The following MARK1 variants were observed in gnomAD, a reference collection of about 807,000 sequenced individuals.
MARK1 encodes serine/threonine-protein kinase MARK1.
MARK1 carries 40 observed loss-of-function variants against 96.3 expected under a neutral mutation model. The observed-to-expected ratio is 0.42, with a 90% CI of 0.32 to 0.54. The LOEUF is 0.54. MARK1 is among the 20% of genes least tolerant of loss of function. The pLI, the probability that MARK1 is intolerant of heterozygous loss-of-function variation, is 0.16. For synonymous variants in MARK1, 317 were observed against 341.2 expected (o/e 0.93, Z 0.78); for missense variants, 719 against 984.6 (o/e 0.73, Z 3.61).
intron 6 of MARK1, 44 bp from the exon 7 acceptor site, chr1:220,615,895 G>GT (rs762552692): frequency 2.1e-5 from 23 of 1,087,584 alleles, no homozygotes; most frequent in Middle Eastern, 2.0e-4. Context: ...GGAAAATTGC[G>GT]TTTTTTTAAT....
intron 1 of MARK1, among the ~76,000 whole-genome samples, chr1:220,568,459 GA>G (rs1161030429): frequency 6.6e-6 from 1 of 152,120 alleles, no homozygotes; most frequent in Non-Finnish European, 1.5e-5. Context: ...AGGTGAGTGA[GA>G]AGGGGCATAG....
chr1:220,585,984 T>TACACACACACACACACACACAC, intron 3 of MARK1, among the ~76,000 whole-genome samples: 1 of 52,894 alleles, frequency 1.9e-5, no homozygotes, highest in East Asian at 1.2e-3. Context: ...TACATACGTA[T>TACACACACACACACACACACAC]ACACACACAC....
intron 1 of MARK1, among the ~76,000 whole-genome samples, chr1:220,578,408 C>A (rs189902591): frequency 6.6e-6 from 1 of 152,220 alleles, no homozygotes; most frequent in East Asian, 1.9e-4. Context: ...TGTAGGTTAG[C>A]GTGAGACCAT....
intron 1 of MARK1, among the ~76,000 whole-genome samples, chr1:220,533,009 T>TA (rs904168880): frequency 1.9e-4 from 11 of 57,082 alleles, no homozygotes; most frequent in Non-Finnish European, 4.3e-4. Context: ...GAACCCTTTT[T>TA]TTTAAAAAAA....
intron 17 of MARK1, among the ~76,000 whole-genome samples, chr1:220,661,505 A>G (rs1669481559): frequency 6.6e-6 from 1 of 152,232 alleles, no homozygotes; most frequent in Non-Finnish European, 1.5e-5. Flanking sequence ...GAACAGAGAA[A>G]TATGGAACTG....
chr1:220,655,246 TC>T (rs1224979090), intron 16 of MARK1, among the ~76,000 whole-genome samples: 3 of 152,136 alleles, frequency 2.0e-5, no homozygotes, highest in African/African-American at 7.2e-5. Context: ...CACATTTTTT[TC>T]TCTGGTTTTC....
chr1:220,657,358 T>C (rs942485683), intron 16 of MARK1, among the ~76,000 whole-genome samples: 7 of 152,230 alleles, frequency 4.6e-5, no homozygotes, highest in Admixed American at 3.3e-4. Context: ...TGGTGTTTAT[T>C]TGCTAACTAC....
intron 13 of MARK1, among the ~76,000 whole-genome samples, chr1:220,642,061 C>G (rs1431546932): frequency 6.6e-6 from 1 of 152,170 alleles, no homozygotes; most frequent in East Asian, 1.9e-4. Context: ...TGGTGGCTCT[C>G]GAAACTCCAG....
intron 13 of MARK1, among the ~76,000 whole-genome samples, chr1:220,640,596 A>G (rs1193222444): frequency 1.3e-5 from 2 of 152,226 alleles, no homozygotes; most frequent in Non-Finnish European, 2.9e-5. Context: ...TTGTGTTGCT[A>G]TAACAGAATA....
At chr1:220,640,201 A>G (rs1168036945) in intron 13 of MARK1, among the ~76,000 whole-genome samples, 1 of 152,250 alleles carries the variant, frequency 6.6e-6, no homozygotes, top group African/African-American at 2.4e-5. Flanking sequence ...CATTAAATCC[A>G]TTCAAATGGC....
rs749502815 is a variant in MARK1 at position 220,618,608 on chromosome 1, A to G, written c.790-28A>G. ...AGTATGATTATGTCAAAAACCAGTT[A>G]TAAGTGCTTTCTTTCACTTTTATTA... On this transcript the variant is annotated intron_variant, in intron 8 of 17. Coordinates refer to ENST00000366917, the MANE Select transcript of MARK1 (RefSeq NM_018650.5). The surrounding 1 kb of genome is among the most constrained non-coding windows in gnomAD (Gnocchi z 4.6). 1.2e-6 allele frequency: 2 copies of G among 1,613,634 alleles called. No homozygotes were observed. Among genetic ancestry groups the G allele is most frequent in the South Asian group, 1.1e-5 (1 of 90,826 alleles).
At chr1:220,604,696 CA>C (rs1665962115) in intron 6 of MARK1, among the ~76,000 whole-genome samples, 1 of 151,582 alleles carries the variant, frequency 6.6e-6, no homozygotes, top group Non-Finnish European at 1.5e-5. Flanking sequence ...TGACTTATTA[CA>C]GAAATGATAA....
At chr1:220,647,611 C>T (rs1452968315) in intron 13 of MARK1, among the ~76,000 whole-genome samples, 1 of 152,140 alleles carries the variant, frequency 6.6e-6, no homozygotes, top group African/African-American at 2.4e-5. Flanking sequence ...CATTGCAGCA[C>T]TATTAACAAT....
chr1:220,625,870 T>C (rs1030150248), intron 9 of MARK1: 3 of 480,470 alleles, frequency 6.2e-6, no homozygotes, highest in African/African-American at 6.0e-5. Flanking sequence ...GCTGCCCAGC[T>C]ATGGTCTCCA....
intron 13 of MARK1, among the ~76,000 whole-genome samples, chr1:220,636,415 A>C (rs941789142): frequency 2.0e-5 from 3 of 152,128 alleles, no homozygotes; most frequent in Non-Finnish European, 1.5e-5. Context: ...GCAAACTAGA[A>C]ATTATATAAT....
chr1:220,614,589 C>T (rs1666635831), intron 6 of MARK1, among the ~76,000 whole-genome samples: 1 of 151,226 alleles, frequency 6.6e-6, no homozygotes, highest in South Asian at 2.1e-4. Context: ...ATAATATATA[C>T]CTCCATAATA....
intron 6 of MARK1, among the ~76,000 whole-genome samples, chr1:220,614,703 A>G (rs1321454362): frequency 6.6e-6 from 1 of 152,076 alleles, no homozygotes; most frequent in Non-Finnish European, 1.5e-5. Context: ...TTGCCTAGCA[A>G]CCATCACATT....
intron 9 of MARK1, among the ~76,000 whole-genome samples, chr1:220,623,478 A>G (rs1477629505): frequency 6.6e-6 from 1 of 152,152 alleles, no homozygotes; most frequent in Non-Finnish European, 1.5e-5. Context: ...TTTATCTTCC[A>G]TTCTGAGAAG....
At chr1:220,538,217 C>T (rs1398625464) in intron 1 of MARK1, among the ~76,000 whole-genome samples, 5 of 151,900 alleles carry the variant, frequency 3.3e-5, no homozygotes, top group East Asian at 1.9e-4. Flanking sequence ...TTAGGTCTAA[C>T]GTTTAAGTCT....
Sources: allele counts gnomAD v4.1 joint callset (sites outside exome capture counted in the v4.1 genomes callset), GRCh38; gene constraint gnomAD v4.1.1; non-coding constraint Gnocchi (gnomAD v3.1); transcripts MANE v1.5; gene names NCBI Gene and HGNC (gene_info 2026-07-23, HGNC 2026-07-21).